OXNAD1: variants seen among roughly 807,000 people sequenced by gnomAD.
The protein encoded by OXNAD1 is oxidoreductase NAD binding domain containing 1, also known as oxidoreductase NAD-binding domain-containing protein 1.
In OXNAD1, 34 loss-of-function variants were observed where a neutral mutation model predicts 32.9. The ratio of observed to expected loss-of-function variants is 1.03; its 90% confidence interval spans 0.79 to 1.38. OXNAD1 has a LOEUF of 1.38. Ranked by LOEUF, OXNAD1 falls within the 40% of genes most tolerant of loss-of-function variation. The pLI is 0.00. For missense variants in OXNAD1, 407 were observed against 379.4 expected (o/e 1.07, Z -0.60); for synonymous variants, 134 against 135.2 (o/e 0.99, Z 0.06).
chr3:16,307,972 ATTCAGTGGGACTCAGTTAG>A (rs1179134667), downstream of OXNAD1, among the ~76,000 whole-genome samples: 1 of 152,184 alleles, frequency 6.6e-6, no homozygotes, highest in Non-Finnish European at 1.5e-5. Context: ...TGGAAGAGTA[ATTCAGTGGGACTCAGTTAG>A]GGAAGTGACA....
At chr3:16,323,667 G>A (rs2069346402) in intron 9 of OXNAD1, among the ~76,000 whole-genome samples, 1 of 152,150 alleles carries the variant, frequency 6.6e-6, no homozygotes, top group Admixed American at 6.6e-5. Context: ...AGCTTTTTGG[G>A]TATCCCTACA....
chr3:16,337,753 A>AG (rs1436105083), downstream of OXNAD1, among the ~76,000 whole-genome samples: 3 of 152,040 alleles, frequency 2.0e-5, no homozygotes, highest in East Asian at 1.9e-4. This position sits in a 1 kb window ranked among gnomAD's most constrained non-coding sequence, Gnocchi z 5.0. Context: ...AAAAAAAAAA[A>AG]AAAAGAAAAG....
intron 6 of OXNAD1, among the ~76,000 whole-genome samples, chr3:16,296,136 G>A (rs140407422): frequency 3.3e-5 from 5 of 152,302 alleles, no homozygotes; most frequent in African/African-American, 2.4e-5. Context: ...GAGAAGGCAC[G>A]CAAAGAATCA....
At chr3:16,308,501 G>A (rs2067725495), downstream of OXNAD1, among the ~76,000 whole-genome samples, 1 of 151,862 alleles carries the variant, frequency 6.6e-6, no homozygotes, top group Non-Finnish European at 1.5e-5. This position sits in a 1 kb window ranked among gnomAD's most constrained non-coding sequence, Gnocchi z 4.4. Context: ...TCCATTCCTG[G>A]TTATTGCAGA....
chr3:16,277,055 G>A lies in OXNAD1; in HGVS notation c.183+5333G>A, dbSNP rs2065391185. ...CTCTCCTGCCTCAGCCTCCCCAGTA[G>A]CTGGGATTACAGGCGCCTGCCACCA... is the stretch of plus-strand genomic sequence containing the variant. On this transcript the variant is annotated intron_variant, in intron 4 of 8. Coordinates refer to ENST00000285083, the MANE Select transcript of OXNAD1 (RefSeq NM_138381.5). The surrounding 1 kb of genome is among the most constrained non-coding windows in gnomAD (Gnocchi z 4.3). Among the ~76,000 whole-genome samples the A allele has an allele frequency of 6.6e-6, 1 of 151,900 alleles. No individual in the cohort carries two copies. Among genetic ancestry groups the A allele is most frequent in the Non-Finnish European group, 1.5e-5 (1 of 67,978 alleles).
In OXNAD1 at chr3:16,334,570, A is replaced by G. The variant is rs1436450698; in HGVS notation, c.*31-2542A>G. On this transcript the variant is annotated intron_variant, in intron 9 of 9. Transcript: ENST00000435829. This position sits in a 1 kb window ranked among gnomAD's most constrained non-coding sequence, Gnocchi z 4.3. ...AGACAACAGCTCAGAGAACTGGGCA[A>G]TGGCTGCTCATGTGTTGAGCCGGGG... is the stretch of plus-strand genomic sequence containing the variant. 1.3e-5 allele frequency among the ~76,000 whole-genome samples: 2 copies of G among 152,188 alleles called. No homozygotes were observed. Among genetic ancestry groups the G allele is most frequent in the African/African-American group, 4.8e-5 (2 of 41,448 alleles).
chr3:16,317,370 A>G lies in OXNAD1; in HGVS notation c.*30+13778A>G. ...CCAGCATCCCCCAGCCAGGCAGTAC[A>G]GGCACCAAACTTGAATCGCACACTA... On this transcript the variant is annotated intron_variant, in intron 9 of 9. Coordinates refer to the OXNAD1 transcript ENST00000435829. This position sits in a 1 kb window ranked among gnomAD's most constrained non-coding sequence, Gnocchi z 4.3. 1.1e-6 allele frequency: 1 copy of G among 878,398 alleles called. No homozygotes were observed. Among genetic ancestry groups the G allele is most frequent in the Non-Finnish European group, 1.7e-6 (1 of 576,282 alleles). The allele number at this position is 878,398 out of a possible 1,614,324, so 54.4% of individuals were successfully genotyped here.
rs750825237 is a variant in OXNAD1 at position 16,280,194 on chromosome 3, C to G, written c.184-6148C>G. ...TTACATGTTACATGAGGTGGGAGAT[C>G]CTAGAGCTCGTGTGTTCTGATGGGG... On this transcript the variant is annotated intron_variant, in intron 4 of 8. Coordinates refer to ENST00000285083, the MANE Select transcript of OXNAD1 (RefSeq NM_138381.5). This position sits in a 1 kb window ranked among gnomAD's most constrained non-coding sequence, Gnocchi z 4.5. 1.3e-5 allele frequency among the ~76,000 whole-genome samples: 2 copies of G among 151,968 alleles called. No homozygotes were observed. The highest frequency in any genetic ancestry group is 2.9e-5 in the Non-Finnish European group (2 of 67,992).
Position 16,348,572 on chromosome 3 carries a change from C to T in OXNAD1, c.*31-604C>T, listed in dbSNP as rs2071889018. 6.6e-6 allele frequency among the ~76,000 whole-genome samples: 1 copy of T among 152,110 alleles called. No homozygotes were observed. The highest frequency in any genetic ancestry group is 2.4e-5 in the African/African-American group (1 of 41,418). On this transcript the variant is annotated intron_variant, in intron 9 of 9. Coordinates refer to the OXNAD1 transcript ENST00000606098. The surrounding 1 kb of genome is among the most constrained non-coding windows in gnomAD (Gnocchi z 6.3). ...CTTCTGGTCAGCAGGGCACAATTAGCCTTGAATGCCTTCCCATTTCCTTTG... is the reference window on the plus strand; with the variant it reads ...CTTCTGGTCAGCAGGGCACAATTAGTCTTGAATGCCTTCCCATTTCCTTTG...
rs1243540396 is a variant in OXNAD1, at chr3:16,344,372, A to G, written c.*31-4804A>G. Among the ~76,000 whole-genome samples the G allele has an allele frequency of 6.6e-6, 1 of 152,120 alleles. No individual in the cohort carries two copies. The highest frequency in any genetic ancestry group is 1.5e-5 in the Non-Finnish European group (1 of 68,018). ...AGTAGGATGCTTCCTATAGGCATCA[A>G]CTATAATCTAATTTAGAAACAACAT... On this transcript the variant is annotated intron_variant, in intron 9 of 9. Coordinates refer to the OXNAD1 transcript ENST00000606098. The surrounding 1 kb of genome is among the most constrained non-coding windows in gnomAD (Gnocchi z 4.4).
At chr3:16,266,162 T>C (rs1450797851) in intron 1 of OXNAD1, among the ~76,000 whole-genome samples, 1 of 152,230 alleles carries the variant, frequency 6.6e-6, no homozygotes, top group Non-Finnish European at 1.5e-5. Context: ...TTGGGCCTTA[T>C]TTCCTCTTCT....
rs56174239 is a variant in OXNAD1, at chr3:16,334,309, A to G, written c.*31-2803A>G. 0.19 allele frequency among the ~76,000 whole-genome samples: 28,569 copies of G among 152,118 alleles called. 2,792 individuals are homozygous for G. The highest frequency in any genetic ancestry group is 0.29 in the Middle Eastern group (84 of 294). ...GAAGCATGCGTTCTTGTACATTGCT[A>G]GTGGAAGGGCTCATTGATTCAACCC... On this transcript the variant is annotated intron_variant, in intron 9 of 9. Transcript: ENST00000435829. This position sits in a 1 kb window ranked among gnomAD's most constrained non-coding sequence, Gnocchi z 4.3.
At chr3:16,295,495 G>C (rs1411406426) in intron 6 of OXNAD1, among the ~76,000 whole-genome samples, 1 of 152,116 alleles carries the variant, frequency 6.6e-6, no homozygotes, top group Non-Finnish European at 1.5e-5. Flanking sequence ...TTCTGAGAGA[G>C]AATCCAATTT....
At chr3:16,267,226 A>G (rs2064586197) in intron 1 of OXNAD1, among the ~76,000 whole-genome samples, 1 of 152,086 alleles carries the variant, frequency 6.6e-6, no homozygotes, top group African/African-American at 2.4e-5. Flanking sequence ...TGTAGCTGTT[A>G]CCTTATTATA....
chr3:16,324,898 G>A (rs1310612526), intron 9 of OXNAD1, among the ~76,000 whole-genome samples: 1 of 151,912 alleles, frequency 6.6e-6, no homozygotes, highest in Non-Finnish European at 1.5e-5. Flanking sequence ...AGAAACCTCT[G>A]TACTATTTTC....
chr3:16,267,191 C>T (rs746283487), intron 1 of OXNAD1, among the ~76,000 whole-genome samples: 25 of 152,168 alleles, frequency 1.6e-4, no homozygotes, highest in Non-Finnish European at 3.1e-4. Flanking sequence ...AAATATATGT[C>T]ATGTTCATCT....
rs2066302439 is a variant in OXNAD1 at position 16,289,724 on chromosome 3, CATTGTGTG to C, written c.290+3277_290+3284del. Among the ~76,000 whole-genome samples, 1 of 152,186 alleles carries C rather than the reference CATTGTGTG, an allele frequency of 6.6e-6. No individual in the cohort carries two copies. Among genetic ancestry groups the C allele is most frequent in the Non-Finnish European group, 1.5e-5 (1 of 68,024 alleles). ...CCTCCCCCATTACTCATCTGGTAAG[CATTGTGTG>C]TCTTTTAAGACTGTTTAAAGGGCAT... On this transcript the variant is annotated intron_variant, in intron 5 of 8. Transcript: ENST00000285083. This position sits in a 1 kb window ranked among gnomAD's most constrained non-coding sequence, Gnocchi z 4.9.
intron 9 of OXNAD1, among the ~76,000 whole-genome samples, chr3:16,325,445 C>A (rs2069596790): frequency 6.6e-6 from 1 of 152,166 alleles, no homozygotes; most frequent in African/African-American, 2.4e-5. Flanking sequence ...TGGCTCAGAA[C>A]CAGCTGGGCC....
chr3:16,301,963 T>C lies in OXNAD1; in HGVS notation c.675+95T>C. The C allele has an allele frequency of 6.8e-7, 1 of 1,472,606 alleles. No individual in the cohort carries two copies. Among genetic ancestry groups the C allele is most frequent in the South Asian group, 1.4e-5 (1 of 73,940 alleles). The allele number at this position is 1,472,606 out of a possible 1,614,324, so 91.2% of individuals were successfully genotyped here. A position where few individuals can be genotyped will look rare whatever the true frequency, so the allele number is the denominator to read the frequency against. ...CTAGGTTTTGTTTTCTCTGCAAAGG[T>C]TCAAACAAAAGGCTTGGCAAGATTT... On this transcript the variant is annotated intron_variant, in intron 7 of 8. Transcript: ENST00000285083. This position sits in a 1 kb window ranked among gnomAD's most constrained non-coding sequence, Gnocchi z 4.1.
Sources: allele counts gnomAD v4.1 joint callset (sites outside exome capture counted in the v4.1 genomes callset), GRCh38; gene constraint gnomAD v4.1.1; non-coding constraint Gnocchi (gnomAD v3.1); transcripts MANE v1.5; gene names NCBI Gene and HGNC (gene_info 2026-07-23, HGNC 2026-07-21).